Variants in SCHIP1 observed in about 807,000 individuals in gnomAD.
SCHIP1 encodes the protein schwannomin interacting protein 1, also known as schwannomin-interacting protein 1.
Under a neutral mutation model 29.7 loss-of-function variants are expected in SCHIP1, and 8 were observed. The observed-to-expected ratio is 0.27, with a 90% confidence interval of 0.16 to 0.49. The LOEUF (loss-of-function observed/expected upper bound fraction) is 0.49. Ranked by LOEUF, SCHIP1 falls within the 20% of genes least tolerant of loss-of-function variation. The pLI is 0.99. For missense variants in SCHIP1, 193 were observed against 294.6 expected, an observed-to-expected ratio of 0.66 and a Z score of 2.52; for synonymous variants, 76 against 94.9, an observed-to-expected ratio of 0.80 and a Z score of 1.16.
At chr3:159,895,156 AAG>A (rs1428455206) in intron 6 of SCHIP1, among the ~76,000 whole-genome samples, 3 of 152,196 alleles carry the variant, frequency 2.0e-5, no homozygotes, top group African/African-American at 7.2e-5. Flanking sequence ...ACAGGGCTAT[AAG>A]ATGGTCTGCT....
chr3:159,801,747 T>C, the SCHIP1 span, among the ~76,000 whole-genome samples: 1 of 152,170 alleles, frequency 6.6e-6, no homozygotes, highest in Non-Finnish European at 1.5e-5. Flanking sequence ...ACCTTACAAT[T>C]TTTTAAAATT....
rs184046943 is a variant in SCHIP1 at position 159,856,891 on chromosome 3, A to G, written c.31-9272A>G. 1.5e-3 allele frequency among the ~76,000 whole-genome samples: 226 copies of G among 152,338 alleles called. 2 individuals are homozygous for G. The highest frequency in any genetic ancestry group is 5.1e-3 in the African/African-American group (214 of 41,580). On this transcript the variant is annotated intron_variant, in intron 1 of 6. Transcript: ENST00000445224. ...ACAGGAACACAGAATGCCAGCTGCC[A>G]TTCCAGACAAGCTCTCTGCCCTCCC...
chr3:159,421,066 C>G, the SCHIP1 span, among the ~76,000 whole-genome samples: 1 of 152,174 alleles, frequency 6.6e-6, no homozygotes, highest in African/African-American at 2.4e-5. Context: ...GCAGTAAGAC[C>G]TGAGACCATG....
At chr3:159,882,687 C>T (rs1041369853) in intron 2 of SCHIP1, among the ~76,000 whole-genome samples, 3 of 152,204 alleles carry the variant, frequency 2.0e-5, no homozygotes, top group Non-Finnish European at 2.9e-5. Context: ...TACCACTTGG[C>T]TGAGTTTTTG....
At chr3:159,487,855 G>A in the SCHIP1 span, among the ~76,000 whole-genome samples, 6 of 152,132 alleles carry the variant, frequency 3.9e-5, no homozygotes, top group Non-Finnish European at 8.8e-5. Context: ...AAGTTTTTAC[G>A]TTAGTCTTTT....
At chr3:159,327,690 T>C in the SCHIP1 span, among the ~76,000 whole-genome samples, 3 of 152,216 alleles carry the variant, frequency 2.0e-5, no homozygotes, top group East Asian at 5.8e-4. Flanking sequence ...ACATTTTCCC[T>C]CAAGGCCCTA....
At chr3:159,304,847 T>C in the SCHIP1 span, among the ~76,000 whole-genome samples, 4 of 152,152 alleles carry the variant, frequency 2.6e-5, no homozygotes, top group South Asian at 4.1e-4. Flanking sequence ...TTAAATAACA[T>C]TGGGTTTGAC....
the SCHIP1 span, among the ~76,000 whole-genome samples, chr3:159,717,226 A>T: frequency 6.6e-6 from 1 of 152,224 alleles, no homozygotes; most frequent in Non-Finnish European, 1.5e-5. Flanking sequence ...GGACACATTT[A>T]AAGCAGTGTG....
chr3:159,528,608 T>C, the SCHIP1 span, among the ~76,000 whole-genome samples: 1 of 152,120 alleles, frequency 6.6e-6, no homozygotes, highest in Non-Finnish European at 1.5e-5. Flanking sequence ...TCTTGAAATC[T>C]CCCCCTCAAA....
At chr3:159,282,683 G>T in the SCHIP1 span, 3 of 144,736 alleles carry the variant, frequency 2.1e-5, no homozygotes, top group African/African-American at 7.6e-5. Context: ...TTCTCTACTA[G>T]TTTGTAGTAG....
At chr3:159,705,807 A>T in the SCHIP1 span, among the ~76,000 whole-genome samples, 2 of 152,066 alleles carry the variant, frequency 1.3e-5, no homozygotes, top group South Asian at 4.2e-4. Context: ...CCCGGGTTCA[A>T]GCAATTCTCC....
chr3:159,496,708 G>T, the SCHIP1 span, among the ~76,000 whole-genome samples: 2 of 152,232 alleles, frequency 1.3e-5, no homozygotes, highest in East Asian at 3.9e-4. Flanking sequence ...GATTTCTCAG[G>T]GATCTAGAAC....
At chr3:159,624,700 G>A in the SCHIP1 span, among the ~76,000 whole-genome samples, 2 of 152,092 alleles carry the variant, frequency 1.3e-5, no homozygotes, top group Non-Finnish European at 2.9e-5. Flanking sequence ...ACAAATAATA[G>A]CTAAATTTGG....
At chr3:159,595,433 G>T in the SCHIP1 span, among the ~76,000 whole-genome samples, 1 of 152,064 alleles carries the variant, frequency 6.6e-6, no homozygotes. Context: ...TGGGTGCCAT[G>T]GAGGCTAGGA....
chr3:159,627,619 A>T, the SCHIP1 span, among the ~76,000 whole-genome samples: 1 of 152,330 alleles, frequency 6.6e-6, no homozygotes, highest in African/African-American at 2.4e-5. Flanking sequence ...AAGTTGTGCT[A>T]TGTTGCTTAT....
the SCHIP1 span, among the ~76,000 whole-genome samples, chr3:159,799,708 T>C: frequency 6.6e-6 from 1 of 151,864 alleles, no homozygotes; most frequent in African/African-American, 2.4e-5. Context: ...CTGGTGGGAG[T>C]GCAAGAGAGA....
At chr3:159,826,078 T>C in the SCHIP1 span, among the ~76,000 whole-genome samples, 1 of 152,176 alleles carries the variant, frequency 6.6e-6, no homozygotes, top group African/African-American at 2.4e-5. Context: ...AGATTTAGGA[T>C]TTTATCCTAA....
At chr3:159,478,714 A>G in the SCHIP1 span, among the ~76,000 whole-genome samples, 1 of 152,160 alleles carries the variant, frequency 6.6e-6, no homozygotes, top group Admixed American at 6.5e-5. Context: ...TGAGCATGAA[A>G]TATCTTTTTA....
chr3:159,523,818 A>C, the SCHIP1 span, among the ~76,000 whole-genome samples: 1 of 152,218 alleles, frequency 6.6e-6, no homozygotes, highest in Admixed American at 6.5e-5. Context: ...TCAGATCTAG[A>C]AACAAACACA....
Sources: allele counts gnomAD v4.1 joint callset (sites outside exome capture counted in the v4.1 genomes callset), GRCh38; gene constraint gnomAD v4.1.1; transcripts MANE v1.5; gene names NCBI Gene and HGNC (gene_info 2026-07-23, HGNC 2026-07-21).